The following AKAP19 variants were observed in gnomAD, a reference collection of about 807,000 sequenced individuals.
AKAP19 encodes A-kinase anchoring protein 19, also known as small A-kinase anchoring protein.
chr2:189,942,437 A>G, the AKAP19 span, among the ~76,000 whole-genome samples: 1 of 152,224 alleles, frequency 6.6e-6, no homozygotes, highest in South Asian at 2.1e-4. Context: ...TCTTTTCTCT[A>G]TAAATTACCC....
At chr2:189,990,805 A>G in the AKAP19 span, among the ~76,000 whole-genome samples, 4 of 152,176 alleles carry the variant, frequency 2.6e-5, no homozygotes, top group Admixed American at 6.6e-5. Flanking sequence ...TGGTGCACCC[A>G]TCACCTGAGC....
the AKAP19 span, among the ~76,000 whole-genome samples, chr2:189,973,674 T>A: frequency 2.6e-5 from 4 of 152,132 alleles, no homozygotes; most frequent in African/African-American, 9.7e-5. Context: ...CTGTTATTGG[T>A]TATTCAGGGA....
At chr2:189,983,979 G>A in the AKAP19 span, among the ~76,000 whole-genome samples, 1 of 152,148 alleles carries the variant, frequency 6.6e-6, no homozygotes, top group Non-Finnish European at 1.5e-5. Flanking sequence ...AGGGGAGGGA[G>A]TGTGTGAATA....
chr2:190,083,024 G>A, the AKAP19 span, among the ~76,000 whole-genome samples: 1 of 152,158 alleles, frequency 6.6e-6, no homozygotes, highest in African/African-American at 2.4e-5. Flanking sequence ...GGCTAAACCA[G>A]GCTATTTAAC....
chr2:189,983,158 T>C, the AKAP19 span, among the ~76,000 whole-genome samples: 2 of 152,170 alleles, frequency 1.3e-5, no homozygotes, highest in African/African-American at 4.8e-5. Context: ...AGGAACCTAA[T>C]CTGCTTCCTT....
the AKAP19 span, among the ~76,000 whole-genome samples, chr2:190,172,746 A>T: frequency 6.6e-6 from 1 of 152,122 alleles, no homozygotes; most frequent in Non-Finnish European, 1.5e-5. Context: ...ATTAACAGTT[A>T]CCTTATTTTT....
At chr2:190,189,316 G>C in the AKAP19 span, among the ~76,000 whole-genome samples, 1 of 152,188 alleles carries the variant, frequency 6.6e-6, no homozygotes, top group Non-Finnish European at 1.5e-5. Context: ...TACCGTTGGA[G>C]CACTTTTATT....
chr2:190,188,993 T>C, the AKAP19 span, among the ~76,000 whole-genome samples: 17,987 of 152,204 alleles, frequency 0.12, 1,167 homozygotes, highest in East Asian at 0.26. Context: ...GATGATTACC[T>C]AATTACATGA....
At chr2:190,088,609 T>A in the AKAP19 span, among the ~76,000 whole-genome samples, 1 of 152,034 alleles carries the variant, frequency 6.6e-6, no homozygotes, top group African/African-American at 2.4e-5. Context: ...TATAAACTCA[T>A]AAAGGCTAAA....
At chr2:190,067,014 A>C in the AKAP19 span, among the ~76,000 whole-genome samples, 2 of 152,150 alleles carry the variant, frequency 1.3e-5, no homozygotes, top group Non-Finnish European at 2.9e-5. Context: ...TTATCCCCTA[A>C]AGCAGTGATT....
the AKAP19 span, among the ~76,000 whole-genome samples, chr2:189,968,229 A>G: frequency 5.6e-4 from 85 of 152,280 alleles, no homozygotes; most frequent in Admixed American, 5.2e-3. Flanking sequence ...ATATAGTTAA[A>G]TATTCTATAT....
the AKAP19 span, among the ~76,000 whole-genome samples, chr2:189,920,987 T>C: frequency 3.3e-5 from 5 of 152,196 alleles, no homozygotes; most frequent in Admixed American, 6.5e-5. Context: ...CATCAGGAAA[T>C]GTGAACTTTC....
the AKAP19 span, among the ~76,000 whole-genome samples, chr2:189,882,752 G>C: frequency 6.6e-6 from 1 of 152,078 alleles, no homozygotes; most frequent in African/African-American, 2.4e-5. Flanking sequence ...TTAGGGTAAA[G>C]ATCTTGAGGC....
chr2:190,000,899 A>G, the AKAP19 span, among the ~76,000 whole-genome samples: 1 of 152,102 alleles, frequency 6.6e-6, no homozygotes, highest in Non-Finnish European at 1.5e-5. Context: ...AGATTTATGT[A>G]GTTCTTTTTC....
the AKAP19 span, among the ~76,000 whole-genome samples, chr2:189,942,569 G>A: frequency 6.6e-6 from 1 of 152,214 alleles, no homozygotes; most frequent in African/African-American, 2.4e-5. Flanking sequence ...AACAGGTAGA[G>A]GTTGGAAGAG....
chr2:189,882,511 G>A, the AKAP19 span, among the ~76,000 whole-genome samples: 1 of 152,216 alleles, frequency 6.6e-6, no homozygotes, highest in Non-Finnish European at 1.5e-5. Flanking sequence ...AGGCTTCCAG[G>A]TTATAGGTAG....
chr2:190,127,667 A>G, the AKAP19 span, among the ~76,000 whole-genome samples: 1 of 152,204 alleles, frequency 6.6e-6, no homozygotes, highest in Non-Finnish European at 1.5e-5. Flanking sequence ...CATACCAAGA[A>G]GGCAATGTTT....
chr2:190,176,547 AGTATGTT>A, the AKAP19 span, among the ~76,000 whole-genome samples: 3 of 152,272 alleles, frequency 2.0e-5, no homozygotes, highest in South Asian at 2.1e-4. This position sits in a 1 kb window ranked among gnomAD's most constrained non-coding sequence, Gnocchi z 4.7. Context: ...ACGGAGTTTC[AGTATGTT>A]GGCCAGGCTG....
the AKAP19 span, among the ~76,000 whole-genome samples, chr2:190,136,556 C>A: frequency 0.023 from 3,436 of 152,176 alleles, 62 homozygotes; most frequent in Middle Eastern, 0.065. Context: ...GAGATAAATT[C>A]CCCTACACTT....
Sources: gnomAD v4.1 joint callset for allele counts (sites outside exome capture counted in the v4.1 genomes callset) on GRCh38, gnomAD v4.1.1 for gene constraint, Gnocchi (gnomAD v3.1) non-coding constraint, MANE v1.5 for transcripts, NCBI Gene and HGNC (gene_info 2026-07-23, HGNC 2026-07-21) for gene names.